GOLM1: variants seen among roughly 807,000 people sequenced by gnomAD.
GOLM1 encodes epididymis luminal protein 46.
In GOLM1, 31 loss-of-function variants were observed where a neutral mutation model predicts 50.5. That is an observed-to-expected ratio of 0.61 (90% CI 0.46 to 0.83). GOLM1 has a LOEUF of 0.83. Ranked by LOEUF, GOLM1 falls within the 40% of genes least tolerant of loss-of-function variation. The pLI is 0.00. For synonymous variants in GOLM1, 178 were observed against 192.8 expected (o/e 0.92, Z 0.64); for missense variants, 491 against 501.3 (o/e 0.98, Z 0.20).
chr9:86,065,333 G>A (rs949845175), intron 3 of GOLM1, among the ~76,000 whole-genome samples: 8 of 152,130 alleles, frequency 5.3e-5, no homozygotes, highest in Non-Finnish European at 1.0e-4. Flanking sequence ...AATACTGAAC[G>A]GACTGACAGA....
rs919235292 is a variant in GOLM1, at chr9:86,026,403, C to A, written c.*1414G>T. On this transcript the variant is annotated 3_prime_UTR_variant, in exon 10 of 10. Transcript: ENST00000388712. ...AGAATGTTTAAGTTGGAGGTGGCAA[C>A]GTGAATTGCAAACAGGGCCTGCTTC... 6.1e-6 allele frequency: 6 copies of A among 985,150 alleles called. No individual in the cohort carries two copies. Among genetic ancestry groups the A allele is most frequent in the Middle Eastern group, 1.0e-3 (2 of 1,936 alleles). The allele number at this position is 985,150 out of a possible 1,614,324, so 61.0% of individuals were successfully genotyped here.
At chr9:86,027,936 A>C in intron 9 of GOLM1, 43 bp from the exon 10 acceptor site, 1 of 1,191,978 alleles carries the variant, frequency 8.4e-7, no homozygotes, top group Admixed American at 1.8e-5. Context: ...GTATTAAATG[A>C]GATACTAGCC....
chr9:86,059,698 C>A (rs1335504865), intron 3 of GOLM1, among the ~76,000 whole-genome samples: 1 of 151,856 alleles, frequency 6.6e-6, no homozygotes, highest in Non-Finnish European at 1.5e-5. Context: ...AGTTCGAGAC[C>A]AGCCTAGCCA....
At chr9:86,097,600 T>C (rs959837761) in intron 1 of GOLM1, among the ~76,000 whole-genome samples, 1 of 152,174 alleles carries the variant, frequency 6.6e-6, no homozygotes, top group African/African-American at 2.4e-5. Context: ...CCACGCTGCC[T>C]TCAAGCTCCC....
intron 5 of GOLM1, among the ~76,000 whole-genome samples, chr9:86,045,466 C>T (rs909833586): frequency 1.8e-4 from 27 of 151,874 alleles, no homozygotes; most frequent in South Asian, 1.5e-3. Context: ...TGAGGTCAGG[C>T]GTTCAAGAAC....
In GOLM1 at chr9:86,026,610, C is replaced by G. The variant is rs1028368050; in HGVS notation, c.*1207G>C. 8.1e-6 allele frequency: 8 copies of G among 982,240 alleles called. No homozygotes were observed. The African/African-American group carries it at 1.2e-4, about 15-fold the overall frequency. 60.8% of individuals were successfully genotyped at this position (982,240 alleles called of 1,614,324 possible). A position where few individuals can be genotyped will look rare whatever the true frequency, so the allele number is the denominator to read the frequency against. On this transcript the variant is annotated 3_prime_UTR_variant, in exon 10 of 10. Transcript: ENST00000388712. Reference sequence around the variant, plus strand: ...ATCCTGTGGATCCTCCTACTTACCCCTTAGAGAGCCTTACTGGGAAGTCAG... The same window carrying G: ...ATCCTGTGGATCCTCCTACTTACCCGTTAGAGAGCCTTACTGGGAAGTCAG...
intron 4 of GOLM1, among the ~76,000 whole-genome samples, chr9:86,049,724 G>A (rs916231020): frequency 9.9e-5 from 15 of 152,218 alleles, no homozygotes; most frequent in African/African-American, 1.4e-4. Flanking sequence ...TTTGTATTCT[G>A]AGACTTTGCT....
chr9:86,074,061 C>T (rs1207731956), intron 3 of GOLM1, among the ~76,000 whole-genome samples: 2 of 151,962 alleles, frequency 1.3e-5, no homozygotes, highest in East Asian at 1.9e-4. Flanking sequence ...AGGTGAGGAA[C>T]GCTGGCAGAG....
chr9:86,050,472 G>A (rs1048025211), intron 4 of GOLM1, among the ~76,000 whole-genome samples: 10 of 152,096 alleles, frequency 6.6e-5, no homozygotes, highest in African/African-American at 1.2e-4. Context: ...GGCAGAATTC[G>A]GCTGTGAATT....
At chr9:86,036,263 G>A (rs1470294576) in intron 7 of GOLM1, 85 bp downstream of exon 7, 1 of 1,414,586 alleles carries the variant, frequency 7.1e-7, no homozygotes, top group Non-Finnish European at 1.0e-6. Flanking sequence ...CGGGTTCACT[G>A]ACTGCCTCAG....
intron 3 of GOLM1, among the ~76,000 whole-genome samples, chr9:86,068,002 G>A (rs1369721919): frequency 5.3e-5 from 8 of 151,864 alleles, no homozygotes; most frequent in South Asian, 2.1e-4. Context: ...GTGAGACTCC[G>A]TCTCAAAAAT....
At chr9:86,041,421 C>G (rs922212514) in intron 5 of GOLM1, among the ~76,000 whole-genome samples, 2 of 152,016 alleles carry the variant, frequency 1.3e-5, no homozygotes. Flanking sequence ...ACCCTGTGGC[C>G]GATGGTGTAA....
At chr9:86,060,752 C>T (rs1196055496) in intron 3 of GOLM1, among the ~76,000 whole-genome samples, 3 of 151,510 alleles carry the variant, frequency 2.0e-5, no homozygotes, top group Admixed American at 6.6e-5. Flanking sequence ...GTGGTGCATG[C>T]CTGTAATCCC....
At position 86,059,267 on chromosome 9, in the gene GOLM1, T is replaced by G. The variant is rs529246012; in HGVS notation, c.310-6676A>C. Among the ~76,000 whole-genome samples the G allele has an allele frequency of 1.6e-4, 24 of 152,272 alleles. 1 individual carries two copies. In the South Asian group the frequency reaches 5.0e-3, roughly 32 times the overall value. On this transcript the variant is annotated intron_variant, in intron 3 of 9. Coordinates refer to ENST00000388712, the MANE Select transcript of GOLM1 (RefSeq NM_016548.4). ...CAAATGCTCACAGCAGAATTATTCA[T>G]GAAGGCCAAAAAGTGGTAACAATCC...
rs573641562 is a variant in GOLM1 at position 86,034,747 on chromosome 9, G to A, written c.1015+621C>T. ...TCTGTGACTTGGTCCACCCCAGAGC[G>A]CAGGTGTCATGTCCTCAGAAGTGTT... On this transcript the variant is annotated intron_variant, in intron 8 of 9. Transcript: ENST00000388712. Among the ~76,000 whole-genome samples, 13 of 152,302 alleles carry A rather than the reference G, an allele frequency of 8.5e-5. No individual in the cohort carries two copies. The East Asian group carries it at 2.3e-3, about 27-fold the overall frequency.
rs751923846 is a variant in GOLM1, at chr9:86,046,361, G to A, written c.467+109C>T. ...GGGCCCGTGCCTTTCTCAGAGTCCC[G>A]CACGGAGCAGAAGGTGCATGCTCTA... On this transcript the variant is annotated intron_variant, in intron 5 of 9. Transcript: ENST00000388712. 7.1e-6 allele frequency: 5 copies of A among 704,422 alleles called. No homozygotes were observed. In the East Asian group the frequency reaches 8.1e-5, roughly 11 times the overall value. The allele number at this position is 704,422 out of a possible 1,614,324, so 43.6% of individuals were successfully genotyped here. A position where few individuals can be genotyped will look rare whatever the true frequency, so the allele number is the denominator to read the frequency against.
At chr9:86,031,908 A>G (rs913913761) in intron 9 of GOLM1, among the ~76,000 whole-genome samples, 6 of 145,016 alleles carry the variant, frequency 4.1e-5, no homozygotes, top group African/African-American at 1.5e-4. Context: ...CAAGGGTGAC[A>G]GAGCGAGACT....
At chr9:86,092,545 G>A (rs1835219234) in intron 1 of GOLM1, among the ~76,000 whole-genome samples, 1 of 152,182 alleles carries the variant, frequency 6.6e-6, no homozygotes, top group African/African-American at 2.4e-5. Context: ...GCCCCTCACT[G>A]TCACCCAGTG....
intron 5 of GOLM1, among the ~76,000 whole-genome samples, chr9:86,044,605 G>A (rs369924976): frequency 3.3e-5 from 5 of 152,118 alleles, no homozygotes; most frequent in South Asian, 2.1e-4. Context: ...GGAGCTATAC[G>A]GATGTTTTAA....
Sources: allele counts gnomAD v4.1 joint callset (sites outside exome capture counted in the v4.1 genomes callset), GRCh38; gene constraint gnomAD v4.1.1; transcripts MANE v1.5; gene names NCBI Gene and HGNC (gene_info 2026-07-23, HGNC 2026-07-21).